The following CROCC2 variants were observed in gnomAD, a reference collection of about 807,000 sequenced individuals.
CROCC2 encodes ciliary rootlet coiled-coil, rootletin family member 2.
CROCC2 carries 163 observed loss-of-function variants against 177.6 expected under a neutral mutation model. That is an observed-to-expected ratio of 0.92 (90% CI 0.81 to 1.05). CROCC2 has a LOEUF of 1.05. CROCC2 is among the 50% of genes least tolerant of loss of function. The probability of loss-of-function intolerance (pLI) is 0.00; values close to 1 mark genes in which losing one functional copy is unlikely to be tolerated. For missense variants in CROCC2, 1,929 were observed against 1,797.8 expected, an observed-to-expected ratio of 1.07 and a Z score of -1.32; for synonymous variants, 904 against 787.3, an observed-to-expected ratio of 1.15 and a Z score of -2.48.
chr2:240,929,630 G>A (rs2059415167), intron 5 of CROCC2: 1 of 455,016 alleles, frequency 2.2e-6, no homozygotes, highest in African/African-American at 2.0e-5. Flanking sequence ...CTTCTAACTT[G>A]CTTCTGTGTC....
intron 2 of CROCC2, among the ~76,000 whole-genome samples, chr2:240,919,288 G>T (rs1037398287): frequency 6.6e-6 from 1 of 152,138 alleles, no homozygotes; most frequent in Non-Finnish European, 1.5e-5. Context: ...CAGGGCTGCC[G>T]CTGTGTGGCA....
intron 28 of CROCC2, chr2:240,983,567 C>T: frequency 2.3e-6 from 3 of 1,278,518 alleles, no homozygotes; most frequent in Non-Finnish European, 3.0e-6. Context: ...GCTGCGCGCT[C>T]AGCTCGCACA....
chr2:240,943,161 C>A (rs1422867313), intron 14 of CROCC2, among the ~76,000 whole-genome samples: 1 of 151,998 alleles, frequency 6.6e-6, no homozygotes, highest in Non-Finnish European at 1.5e-5. Flanking sequence ...GCACACATGA[C>A]CACGCCCAGC....
At chr2:240,991,898 C>T (rs535920231) in intron 31 of CROCC2, among the ~76,000 whole-genome samples, 16 of 152,356 alleles carry the variant, frequency 1.1e-4, no homozygotes, top group East Asian at 1.9e-4. Context: ...CACATCCCCA[C>T]GCCCAGCGGC....
Position 240,909,594 on chromosome 2 carries a change from C to A in CROCC2, c.78+3003C>A, listed in dbSNP as rs571129403. On this transcript the variant is annotated intron_variant, in intron 1 of 31. Transcript: ENST00000690015. ...GTTAGCGGCTGGTCTGAGGGGGAAT[C>A]CCAGGCCGATGCTGACATCAGGCAG... 1.5e-3 allele frequency among the ~76,000 whole-genome samples: 221 copies of A among 152,314 alleles called. 1 individual carries two copies. Among genetic ancestry groups the A allele is most frequent in the Non-Finnish European group, 2.3e-3 (154 of 68,018 alleles).
chr2:240,912,558 G>A (rs1407548044), intron 1 of CROCC2, among the ~76,000 whole-genome samples: 6 of 152,224 alleles, frequency 3.9e-5, no homozygotes, highest in Admixed American at 6.5e-5. Context: ...GGGCAGGTAC[G>A]GAGCCTCCAG....
In CROCC2 at chr2:240,973,960, C is replaced by T. The variant is rs1379826494; in HGVS notation, c.4401+5698C>T. On this transcript the variant is annotated intron_variant, in intron 27 of 31. Transcript: ENST00000690015. This position sits in a 1 kb window ranked among gnomAD's most constrained non-coding sequence, Gnocchi z 4.7. Reference sequence around the variant, plus strand: ...AAAGAATACACTTTAATTCCCTTTCCAATCTCTTTTCTGTCAAGGGTCTGC... The same window carrying T: ...AAAGAATACACTTTAATTCCCTTTCTAATCTCTTTTCTGTCAAGGGTCTGC... 2.6e-5 allele frequency among the ~76,000 whole-genome samples: 4 copies of T among 152,186 alleles called. No homozygotes were observed. Among genetic ancestry groups the T allele is most frequent in the Non-Finnish European group, 5.9e-5 (4 of 68,030 alleles).
Position 240,935,598 on chromosome 2 carries a change from T to C in CROCC2, c.2169+10T>C. On this transcript the variant is annotated intron_variant, in intron 14 of 31. Coordinates refer to ENST00000690015, the MANE Select transcript of CROCC2 (RefSeq NM_001351305.2). ...GGAGCAGGTGGGCCAGGTGAGGACG[T>C]CTGCAGGGCATGCTGCCGCCGTCTG... 1 of 1,384,288 alleles carries C rather than the reference T, an allele frequency of 7.2e-7. No homozygotes were observed. The highest frequency in any genetic ancestry group is 9.3e-7 in the Non-Finnish European group (1 of 1,070,850). 85.8% of individuals were successfully genotyped at this position (1,384,288 alleles called of 1,614,324 possible). A position where few individuals can be genotyped will look rare whatever the true frequency, so the allele number is the denominator to read the frequency against.
At chr2:240,955,068 TCTC>T (rs1175517684) in intron 18 of CROCC2, 2 of 151,970 alleles carry the variant, frequency 1.3e-5, no homozygotes, top group Non-Finnish European at 1.5e-5. Flanking sequence ...GCTTTCCTCT[TCTC>T]ACTTATCAAA....
chr2:240,959,030 C>T (rs189479674), intron 19 of CROCC2: 27 of 401,418 alleles, frequency 6.7e-5, no homozygotes, highest in Non-Finnish European at 1.2e-4. Context: ...CCCCAGGGCG[C>T]AGGCTGAGCT....
At chr2:240,974,534 C>CTTTT (rs61276773) in intron 27 of CROCC2, among the ~76,000 whole-genome samples, 6 of 134,902 alleles carry the variant, frequency 4.4e-5, no homozygotes, top group African/African-American at 8.4e-5. Context: ...TCTTTTTTTT[C>CTTTT]TTTTTTTTTT....
In CROCC2 at chr2:240,935,536, A is replaced by G; in HGVS notation, c.2117A>G (p.Gln706Arg). The G allele has an allele frequency of 7.4e-7, 1 of 1,349,922 alleles. No individual in the cohort carries two copies. Among genetic ancestry groups the G allele is most frequent in the Non-Finnish European group, 9.5e-7 (1 of 1,049,032 alleles). 83.6% of individuals were successfully genotyped at this position (1,349,922 alleles called of 1,614,324 possible). A position where few individuals can be genotyped will look rare whatever the true frequency, so the allele number is the denominator to read the frequency against. The change falls in exon 14 of 32, where the codon CAG (glutamine) becomes CGG (arginine). Residue 706 changes from glutamine (Q) to arginine (R), a missense_variant. By Grantham distance (43) the Gln-to-Arg change is conservative. Transcript: ENST00000690015. The part of the protein sequence containing the change: ...LEQRQEQLEG[Q>R]AALLGREKAQ... Reference sequence around the variant, plus strand: ...CAGCGGCAGGAGCAGCTGGAGGGGCAGGCAGCCCTGCTGGGGCGAGAGAAG... The same window carrying G: ...CAGCGGCAGGAGCAGCTGGAGGGGCGGGCAGCCCTGCTGGGGCGAGAGAAG...
chr2:240,963,600 G>A lies in CROCC2; in HGVS notation c.3132G>A (p.Leu1044=). ...RAQLTVAQEG[L]AALRQELQGV... ...AGCTGACCGTGGCCCAGGAGGGACT[G>A]GCCGCACTGCGCCAGGAGCTGCAGG... is the stretch of plus-strand genomic sequence containing the variant. Residue 1044 remains leucine, a synonymous_variant, in exon 21 of 32, where the codon CTG becomes CTA. Transcript: ENST00000690015. 1 of 1,547,554 alleles carries A rather than the reference G, an allele frequency of 6.5e-7. No homozygotes were observed. The highest frequency in any genetic ancestry group is 8.7e-7 in the Non-Finnish European group (1 of 1,145,968).
chr2:240,952,315 C>CA (rs71049540), intron 18 of CROCC2, among the ~76,000 whole-genome samples: 42,590 of 113,262 alleles, frequency 0.38, 7,906 homozygotes, highest in East Asian at 0.53. Flanking sequence ...TACTCCTTCT[C>CA]AAAAAAAAAA....
intron 1 of CROCC2, among the ~76,000 whole-genome samples, chr2:240,911,156 A>G (rs1275003496): frequency 6.6e-6 from 1 of 152,160 alleles, no homozygotes; most frequent in Non-Finnish European, 1.5e-5. Flanking sequence ...AATTTTTAAA[A>G]AAATTTTTCA....
chr2:240,953,425 A>AG lies in CROCC2; in HGVS notation c.2830-2434_2830-2433insG, dbSNP rs2059569595. Among the ~76,000 whole-genome samples the AG allele has an allele frequency of 6.6e-6, 1 of 151,088 alleles. No homozygotes were observed. Among genetic ancestry groups the AG allele is most frequent in the South Asian group, 2.1e-4 (1 of 4,790 alleles). On this transcript the variant is annotated intron_variant, in intron 18 of 31. Transcript: ENST00000690015. This position sits in a 1 kb window ranked among gnomAD's most constrained non-coding sequence, Gnocchi z 4.0. ...GACAGAGTGAGACTCTGTCTCAAAA[A>AG]AAAAAACAGGAGCACAGGCTAAGAG...
At chr2:240,928,872 T>A (rs917146269) in intron 5 of CROCC2, among the ~76,000 whole-genome samples, 4 of 120,212 alleles carry the variant, frequency 3.3e-5, no homozygotes, top group African/African-American at 1.2e-4. Flanking sequence ...CTCTGGAGGG[T>A]GTATGGCCAG....
chr2:240,991,153 G>A (rs1002707172), intron 30 of CROCC2, 43 bp from the exon 31 acceptor site: 39 of 1,457,958 alleles, frequency 2.7e-5, no homozygotes, highest in Middle Eastern at 3.5e-4. Context: ...GGCCCTGGCC[G>A]TGCAGCCTGC....
At chr2:240,934,808 G>A (rs2059457182) in intron 12 of CROCC2, 108 bp from the exon 13 acceptor site, 2 of 1,249,990 alleles carry the variant, frequency 1.6e-6, no homozygotes, top group African/African-American at 1.6e-5. Flanking sequence ...CCGCCCAAGA[G>A]CTCTGGCTTG....
Sources: allele counts gnomAD v4.1 joint callset (sites outside exome capture counted in the v4.1 genomes callset), GRCh38; gene constraint gnomAD v4.1.1; non-coding constraint Gnocchi (gnomAD v3.1); transcripts MANE v1.5; gene names NCBI Gene and HGNC (gene_info 2026-07-23, HGNC 2026-07-21).